Variants in UBE2D2 observed in about 807,000 individuals in gnomAD.
UBE2D2 encodes ubiquitin conjugating enzyme E2 D2, also known as ubiquitin-conjugating enzyme E2 D2.
UBE2D2 carries 2 observed loss-of-function variants against 24.2 expected under a neutral mutation model. The ratio of observed to expected loss-of-function variants is 0.08; its 90% confidence interval spans 0.03 to 0.26. The LOEUF is 0.26. Ranked by LOEUF, UBE2D2 falls within the 10% of genes least tolerant of loss-of-function variation. UBE2D2 has a pLI of 1.00. For missense variants in UBE2D2, 44 were observed against 177.6 expected (o/e 0.25, Z 4.28); for synonymous variants, 58 against 56.5 (o/e 1.03, Z -0.12).
chr5:139,578,713 A>G (rs1041013673), intron 1 of UBE2D2, among the ~76,000 whole-genome samples: 16 of 151,990 alleles, frequency 1.1e-4, no homozygotes, highest in African/African-American at 3.4e-4. Flanking sequence ...CCAGCTTCCT[A>G]AAGTGCTGGA....
rs894723555 is a variant in UBE2D2, at chr5:139,628,249, G to T, written c.*1448G>T. 6.6e-6 allele frequency: 1 copy of T among 152,600 alleles called. No individual in the cohort carries two copies. Among genetic ancestry groups the T allele is most frequent in the Non-Finnish European group, 1.5e-5 (1 of 68,044 alleles). The allele number at this position is 152,600 out of a possible 1,614,324, so 9.5% of individuals were successfully genotyped here. On this transcript the variant is annotated 3_prime_UTR_variant, in exon 7 of 7. Coordinates refer to ENST00000398733, the MANE Select transcript of UBE2D2 (RefSeq NM_003339.3). The stretch of plus-strand genomic sequence containing the variant: ...TAGCTTGAAACTTGTAAACAACTGT[G>T]TTTGCCAGAAACATCATTCATGTGA...
At chr5:139,548,254 T>C (rs1280074290) in intron 1 of UBE2D2, among the ~76,000 whole-genome samples, 1 of 149,906 alleles carries the variant, frequency 6.7e-6, no homozygotes, top group East Asian at 2.0e-4. Context: ...ATGACAGATT[T>C]TGTAGGCAAC....
intron 1 of UBE2D2, among the ~76,000 whole-genome samples, chr5:139,595,243 C>G (rs556323722): frequency 1.3e-5 from 2 of 152,092 alleles, no homozygotes; most frequent in Non-Finnish European, 2.9e-5. Context: ...CCACATGTTC[C>G]GACTAGATCG....
intron 1 of UBE2D2, among the ~76,000 whole-genome samples, chr5:139,537,321 T>C (rs1561496125): frequency 6.6e-6 from 1 of 152,210 alleles, no homozygotes; most frequent in Non-Finnish European, 1.5e-5. Flanking sequence ...GTTCATACAT[T>C]GTGATTGATT....
intron 1 of UBE2D2, among the ~76,000 whole-genome samples, chr5:139,538,325 C>T (rs1752712484): frequency 6.6e-6 from 1 of 152,116 alleles, no homozygotes; most frequent in South Asian, 2.1e-4. Flanking sequence ...CTTTATAGAA[C>T]ACTCAAGTTC....
chr5:139,568,179 A>T (rs1187066684), intron 1 of UBE2D2, among the ~76,000 whole-genome samples: 1 of 151,932 alleles, frequency 6.6e-6, no homozygotes, highest in Non-Finnish European at 1.5e-5. Flanking sequence ...CCCTGTCTCT[A>T]CTAAAAATAC....
intron 1 of UBE2D2, among the ~76,000 whole-genome samples, chr5:139,581,219 C>T (rs57064778): frequency 9.2e-5 from 14 of 152,122 alleles, no homozygotes; most frequent in African/African-American, 2.4e-4. Context: ...GAGGCCGAGG[C>T]GGGTGGATCA....
chr5:139,579,598 G>GT (rs1021951508), intron 1 of UBE2D2, among the ~76,000 whole-genome samples: 7 of 152,038 alleles, frequency 4.6e-5, no homozygotes, highest in African/African-American at 1.2e-4. Flanking sequence ...CCTCAGCTAT[G>GT]TTTTTTTTAA....
At chr5:139,610,162 A>G (rs1417204210) in intron 2 of UBE2D2, among the ~76,000 whole-genome samples, 4 of 152,322 alleles carry the variant, frequency 2.6e-5, no homozygotes, top group South Asian at 2.1e-4. Flanking sequence ...ACATACTTGC[A>G]TGTAGGGCAA....
intron 1 of UBE2D2, among the ~76,000 whole-genome samples, chr5:139,577,884 A>G (rs919390078): frequency 1.3e-5 from 2 of 152,226 alleles, no homozygotes. Context: ...GGGTGTCAGT[A>G]ACCCAGCAAA....
Position 139,600,406 on chromosome 5 carries a change from A to T in UBE2D2, c.59A>T (p.Gln20Leu). Residue 20 changes from glutamine to leucine, a missense_variant, in exon 2 of 7, where the codon CAG becomes CTG. Transcript: ENST00000398733. ...LNDLARDPPAQCSAGPVGDDM... is the reference protein window; with the variant it reads ...LNDLARDPPALCSAGPVGDDM... ...GATCTGGCACGGGACCCTCCAGCAC[A>T]GTGTTCAGCAGGTCCTGTTGGAGAT... 6.2e-7 allele frequency: 1 copy of T among 1,614,144 alleles called. No homozygotes were observed. Among genetic ancestry groups the T allele is most frequent in the Non-Finnish European group, 8.5e-7 (1 of 1,180,016 alleles).
rs77402089 is a variant in UBE2D2, at chr5:139,537,518, C to G, written c.-64+10906C>G. On this transcript the variant is annotated intron_variant, in intron 1 of 6. Transcript: ENST00000511725. Reference sequence around the variant, plus strand: ...TTTGAGACAGTCTCGCTCTGTCACCCCGGCTGGAGTGCAGTGGTTCTCACC... The same window carrying G: ...TTTGAGACAGTCTCGCTCTGTCACCGCGGCTGGAGTGCAGTGGTTCTCACC... Among the ~76,000 whole-genome samples the G allele has an allele frequency of 7.7e-3, 1,178 of 152,020 alleles. 8 individuals carry two copies. The highest frequency in any genetic ancestry group is 0.041 in the Middle Eastern group (12 of 292).
intron 1 of UBE2D2, among the ~76,000 whole-genome samples, chr5:139,599,122 G>A (rs183844351): frequency 1.9e-4 from 29 of 151,372 alleles, no homozygotes; most frequent in Non-Finnish European, 3.2e-4. Context: ...TAGAAATGGG[G>A]TTTTACCATG....
chr5:139,547,340 A>C (rs1752847123), intron 1 of UBE2D2, among the ~76,000 whole-genome samples: 1 of 152,086 alleles, frequency 6.6e-6, no homozygotes, highest in African/African-American at 2.4e-5. Context: ...TCATGTATCT[A>C]TCATGAGTCA....
At chr5:139,552,159 C>T (rs2126639897) in intron 1 of UBE2D2, among the ~76,000 whole-genome samples, 1 of 151,168 alleles carries the variant, frequency 6.6e-6, no homozygotes, top group East Asian at 1.9e-4. Flanking sequence ...GCTCTAATAG[C>T]TAACTTTTTT....
chr5:139,529,073 C>T (rs1170666880), intron 1 of UBE2D2, among the ~76,000 whole-genome samples: 1 of 152,158 alleles, frequency 6.6e-6, no homozygotes, highest in African/African-American at 2.4e-5. Context: ...AAACTGTTCC[C>T]AGTATATACA....
intron 1 of UBE2D2, among the ~76,000 whole-genome samples, chr5:139,546,832 TCC>T (rs1752836115): frequency 9.3e-6 from 1 of 108,084 alleles, no homozygotes; most frequent in African/African-American, 4.0e-5. Context: ...CTTCCTTCCT[TCC>T]TTCCTTCCTT....
chr5:139,615,015 T>G (rs1156503308), intron 5 of UBE2D2, 49 bp downstream of exon 5: 1 of 1,477,752 alleles, frequency 6.8e-7, no homozygotes, highest in Non-Finnish European at 9.2e-7. Flanking sequence ...GTCTTTTGTC[T>G]TTTTAGAGTT....
intron 1 of UBE2D2, among the ~76,000 whole-genome samples, chr5:139,584,934 CTT>C (rs1201061002): frequency 6.8e-6 from 1 of 148,012 alleles, no homozygotes; most frequent in African/African-American, 2.5e-5. Context: ...CAGGTTCGCT[CTT>C]GTTGCCCAGG....
Sources: allele counts gnomAD v4.1 joint callset (sites outside exome capture counted in the v4.1 genomes callset), GRCh38; gene constraint gnomAD v4.1.1; transcripts MANE v1.5; gene names NCBI Gene and HGNC (gene_info 2026-07-23, HGNC 2026-07-21).